COL23A1: variants seen among roughly 807,000 people sequenced by gnomAD.
COL23A1 encodes collagen alpha-1(XXIII) chain.
A neutral mutation model predicts 99.3 loss-of-function variants in COL23A1; 97 were observed. The ratio of observed to expected loss-of-function variants is 0.98; its 90% CI spans 0.83 to 1.16. The LOEUF is 1.16. COL23A1 is among the 50% of genes most tolerant of loss of function. COL23A1 has a pLI of 0.00. For synonymous variants in COL23A1, 320 were observed against 308.2 expected (o/e 1.04, Z -0.40); for missense variants, 762 against 757.4 (o/e 1.01, Z -0.07).
At chr5:178,496,061 T>G (rs1431854014) in intron 2 of COL23A1, among the ~76,000 whole-genome samples, 3 of 152,170 alleles carry the variant, frequency 2.0e-5, no homozygotes, top group Admixed American at 6.5e-5. Context: ...TCAGAAGGGA[T>G]AGTCAATAAC....
At position 178,293,022 on chromosome 5, in the gene COL23A1, G is replaced by C. The variant is rs565643466; in HGVS notation, c.407-2653C>G. Among the ~76,000 whole-genome samples, 9 of 152,192 alleles carry C rather than the reference G, an allele frequency of 5.9e-5. No homozygotes were observed. The East Asian group carries it at 1.2e-3, about 20-fold the overall frequency. On this transcript the variant is annotated intron_variant, in intron 3 of 28. Coordinates refer to ENST00000390654, the MANE Select transcript of COL23A1 (RefSeq NM_173465.4). ...GAGGCATGTCCAGGGAGTGACAGGA[G>C]GGGGGTCTGATGGGAGAGGGTTTCA...
chr5:178,353,866 A>C (rs1431863348), intron 2 of COL23A1, among the ~76,000 whole-genome samples: 1 of 152,000 alleles, frequency 6.6e-6, no homozygotes, highest in African/African-American at 2.4e-5. Flanking sequence ...TCCATGCGGG[A>C]GACAAAACAT....
At chr5:178,315,658 C>T (rs554876661) in intron 2 of COL23A1, among the ~76,000 whole-genome samples, 29 of 151,932 alleles carry the variant, frequency 1.9e-4, no homozygotes, top group Non-Finnish European at 3.2e-4. Context: ...GGGCTGGTCA[C>T]GGTCTCCGGA....
intron 2 of COL23A1, among the ~76,000 whole-genome samples, chr5:178,464,342 A>G (rs1756297124): frequency 6.6e-6 from 1 of 152,234 alleles, no homozygotes; most frequent in Non-Finnish European, 1.5e-5. Flanking sequence ...TTCACTTAGC[A>G]TGATATCCTC....
chr5:178,244,003 G>A (rs938050583), intron 25 of COL23A1, among the ~76,000 whole-genome samples: 6 of 151,938 alleles, frequency 3.9e-5, no homozygotes, highest in Non-Finnish European at 2.9e-5. Context: ...TTTTTGAGAC[G>A]GAGTCTCACT....
At chr5:178,482,933 T>C (rs1397383404) in intron 2 of COL23A1, among the ~76,000 whole-genome samples, 1 of 150,964 alleles carries the variant, frequency 6.6e-6, no homozygotes, top group Non-Finnish European at 1.5e-5. Flanking sequence ...AGACTTAGGC[T>C]TAGTGGTGCC....
intron 2 of COL23A1, among the ~76,000 whole-genome samples, chr5:178,358,030 G>GTATGTGTATGCA (rs1174161591): frequency 9.0e-5 from 13 of 143,702 alleles, no homozygotes; most frequent in Non-Finnish European, 1.8e-4. Context: ...GTGTGTATGC[G>GTATGTGTATGCA]TATGTGTATG....
chr5:178,300,613 G>A (rs181825627), intron 3 of COL23A1, among the ~76,000 whole-genome samples: 3 of 151,838 alleles, frequency 2.0e-5, no homozygotes, highest in East Asian at 1.9e-4. Context: ...GCAGTGGCAT[G>A]ATCTTGGCTC....
At chr5:178,549,006 T>A (rs1433914655) in intron 2 of COL23A1, among the ~76,000 whole-genome samples, 1 of 151,930 alleles carries the variant, frequency 6.6e-6, no homozygotes, top group Non-Finnish European at 1.5e-5. Context: ...AAATACTTCT[T>A]TTTTTTTGAG....
chr5:178,378,587 G>A (rs1402753800), intron 2 of COL23A1, among the ~76,000 whole-genome samples: 2 of 152,250 alleles, frequency 1.3e-5, no homozygotes, highest in African/African-American at 2.4e-5. Flanking sequence ...AGAAGGTGGC[G>A]TGGAGATGGG....
chr5:178,354,262 G>A (rs892440641), intron 2 of COL23A1, among the ~76,000 whole-genome samples: 14 of 152,146 alleles, frequency 9.2e-5, no homozygotes, highest in Admixed American at 1.3e-4. Flanking sequence ...CCAGGCTGGA[G>A]TGCAATCGTG....
At chr5:178,571,919 C>T (rs1443903729) in intron 1 of COL23A1, among the ~76,000 whole-genome samples, 2 of 151,882 alleles carry the variant, frequency 1.3e-5, no homozygotes, top group South Asian at 2.1e-4. Context: ...AATACAAAAA[C>T]TAGCTGGGTG....
chr5:178,576,021 G>A (rs1322987398), intron 1 of COL23A1, among the ~76,000 whole-genome samples: 1 of 152,248 alleles, frequency 6.6e-6, no homozygotes, highest in Non-Finnish European at 1.5e-5. Flanking sequence ...GATGTCGAGA[G>A]GGGCTCGGTC....
intron 2 of COL23A1, among the ~76,000 whole-genome samples, chr5:178,422,512 G>A (rs879588765): frequency 6.6e-5 from 10 of 152,144 alleles, no homozygotes; most frequent in South Asian, 2.1e-4. Context: ...ACAAGCAAGC[G>A]TGCCCAAAGG....
chr5:178,578,061 A>G (rs1763473139), intron 1 of COL23A1, among the ~76,000 whole-genome samples: 1 of 151,690 alleles, frequency 6.6e-6, no homozygotes, highest in Non-Finnish European at 1.5e-5. Flanking sequence ...ACACACCCAC[A>G]TGCACACACA....
At chr5:178,573,837 G>C (rs1376746653) in intron 1 of COL23A1, among the ~76,000 whole-genome samples, 1 of 150,022 alleles carries the variant, frequency 6.7e-6, no homozygotes, top group Non-Finnish European at 1.5e-5. Flanking sequence ...CATAAAAGAA[G>C]ACATACCATA....
At chr5:178,246,716 G>A (rs1194311755) in intron 22 of COL23A1, among the ~76,000 whole-genome samples, 1 of 59,518 alleles carries the variant, frequency 1.7e-5, no homozygotes, top group Non-Finnish European at 4.3e-5. Flanking sequence ...GAAAGCAGGT[G>A]CAGACGGGGG....
Position 178,589,949 on chromosome 5 carries a change from G to T in COL23A1, c.249C>A (p.Ala83=). Residue 83 remains alanine (A), a synonymous_variant, in exon 1 of 29, where the codon GCC becomes GCA. Coordinates refer to ENST00000390654, the MANE Select transcript of COL23A1 (RefSeq NM_173465.4). The surrounding 1 kb of genome is among the most constrained non-coding windows in gnomAD (Gnocchi z 5.4). ...GGTGCGGCTCGGCCCAGGCGTCCAG[G>T]GCGCCTGGCGGCCCCGCGCGCCGCA... ...ELLRRAGPPG[A]LDAWAEPHLE... The T allele has an allele frequency of 1.5e-6, 2 of 1,328,972 alleles. No individual in the cohort carries two copies. The highest frequency in any genetic ancestry group is 1.9e-6 in the Non-Finnish European group (2 of 1,046,788). The allele number at this position is 1,328,972 out of a possible 1,614,324, so 82.3% of individuals were successfully genotyped here.
At chr5:178,453,788 G>A (rs778871445) in intron 2 of COL23A1, among the ~76,000 whole-genome samples, 49 of 152,222 alleles carry the variant, frequency 3.2e-4, no homozygotes, top group Non-Finnish European at 2.8e-4. Context: ...AGTAGCAGAC[G>A]AGGAATTCAA....
Sources: allele counts gnomAD v4.1 joint callset (sites outside exome capture counted in the v4.1 genomes callset), GRCh38; gene constraint gnomAD v4.1.1; non-coding constraint Gnocchi (gnomAD v3.1); transcripts MANE v1.5; gene names NCBI Gene and HGNC (gene_info 2026-07-23, HGNC 2026-07-21).